SAFB: variants seen among roughly 807,000 people sequenced by gnomAD.
SAFB encodes the protein scaffold attachment factor B1.
In SAFB, 15 loss-of-function variants were observed where a neutral mutation model predicts 101.6. The observed-to-expected ratio is 0.15, with a 90% CI of 0.10 to 0.23. The LOEUF (loss-of-function observed/expected upper bound fraction) is 0.23, where lower values mean the gene tolerates loss of function less well. SAFB is among the 10% of genes least tolerant of loss of function. The probability of loss-of-function intolerance (pLI) is 1.00; values close to 1 mark genes in which losing one functional copy is unlikely to be tolerated. For missense variants in SAFB, 930 were observed against 1,104.1 expected (o/e 0.84, Z 2.23); for synonymous variants, 449 against 407.5 (o/e 1.10, Z -1.23).
intron 14 of SAFB, among the ~76,000 whole-genome samples, chr19:5,660,261 T>G (rs187042087): frequency 6.7e-6 from 1 of 150,078 alleles, no homozygotes; most frequent in Non-Finnish European, 1.5e-5. Context: ...AGATAACTTC[T>G]AATACAATGA....
intron 11 of SAFB, among the ~76,000 whole-genome samples, chr19:5,653,772 T>C (rs1354729795): frequency 6.7e-6 from 1 of 149,662 alleles, no homozygotes; most frequent in Non-Finnish European, 1.5e-5. Context: ...CGGGGCAGGG[T>C]GTTTTAAACA....
rs753177957 is a variant in SAFB, at chr19:5,667,203, C to T, written c.2453+39C>T. On this transcript the variant is annotated intron_variant, in intron 18 of 20. Transcript: ENST00000588852. The surrounding 1 kb of genome is among the most constrained non-coding windows in gnomAD (Gnocchi z 4.0). Reference sequence around the variant, plus strand: ...ACCCGACAGTACCTGACCCCCCCCCCGCCCACAAGGGGGCCCGCAAGTCGC... The same window carrying T: ...ACCCGACAGTACCTGACCCCCCCCCTGCCCACAAGGGGGCCCGCAAGTCGC... 2.5e-5 allele frequency: 32 copies of T among 1,298,636 alleles called. No individual in the cohort carries two copies. The highest frequency in any genetic ancestry group is 1.9e-4 in the Middle Eastern group (1 of 5,318). The allele number at this position is 1,298,636 out of a possible 1,614,324, so 80.4% of individuals were successfully genotyped here. A position where few individuals can be genotyped will look rare whatever the true frequency, so the allele number is the denominator to read the frequency against.
chr19:5,662,922 G>A lies in SAFB; in HGVS notation c.2154-1100G>A, dbSNP rs184628708. Among the ~76,000 whole-genome samples the A allele has an allele frequency of 6.8e-3, 973 of 144,144 alleles. 7 individuals carry two copies. The highest frequency in any genetic ancestry group is 0.017 in the Middle Eastern group (4 of 242). 94.6% of individuals were successfully genotyped at this position (144,144 alleles called of 152,430 possible). Reference sequence around the variant, plus strand: ...CTCCCAAAGTGCTGGGATTACAGGCGTAAGCCACCACCCCCGGCCTTGTCC... The same window carrying A: ...CTCCCAAAGTGCTGGGATTACAGGCATAAGCCACCACCCCCGGCCTTGTCC... On this transcript the variant is annotated intron_variant, in intron 15 of 20. Transcript: ENST00000588852.
At chr19:5,629,357 A>G (rs1017231291) in intron 2 of SAFB, among the ~76,000 whole-genome samples, 1 of 152,162 alleles carries the variant, frequency 6.6e-6, no homozygotes, top group East Asian at 1.9e-4. Context: ...CTTAAGCCCA[A>G]GAGGTCAAGG....
rs1301678791 is a variant in SAFB, at chr19:5,623,519, C to G, written c.189+125C>G. 4.0e-6 allele frequency: 3 copies of G among 751,240 alleles called. No homozygotes were observed. In the East Asian group the frequency reaches 9.4e-5, roughly 23 times the overall value. 46.5% of individuals were successfully genotyped at this position (751,240 alleles called of 1,614,324 possible). ...GCGGCCTCGCCGGACCTGGCGCTCT[C>G]GCGTCCCCCGGCTCCTCCGAGGCCC... is the stretch of plus-strand genomic sequence containing the variant. On this transcript the variant is annotated intron_variant, in intron 1 of 20. Coordinates refer to ENST00000588852, the MANE Select transcript of SAFB (RefSeq NM_001201338.2).
In SAFB at chr19:5,667,391, G is replaced by A. The variant is rs1399396161; in HGVS notation, c.2498G>A (p.Arg833Gln). ...GACCATGGCCGAAGAGAGGATGACC[G>A]GTCATGGCAGGGCACGGCCGACGGG... ...WGDHGRREDD[R>Q]SWQGTADGGM... Residue 833 changes from arginine to glutamine, a missense_variant, in exon 19 of 21, where the codon CGG (arginine) becomes CAG (glutamine). Physicochemically the swap from Arg to Gln is conservative, Grantham distance 43. Around this residue, in one of 7 missense-constraint regions of SAFB, gnomAD observed 318 missense variants for 342.6 expected, o/e 0.93. Transcript: ENST00000588852. This position sits in a 1 kb window ranked among gnomAD's most constrained non-coding sequence, Gnocchi z 4.0. 7 of 1,512,842 alleles carry A rather than the reference G, an allele frequency of 4.6e-6. No individual in the cohort carries two copies. The highest frequency in any genetic ancestry group is 6.2e-6 in the Non-Finnish European group (7 of 1,136,572). 93.7% of individuals were successfully genotyped at this position (1,512,842 alleles called of 1,614,324 possible).
intron 2 of SAFB, among the ~76,000 whole-genome samples, chr19:5,638,342 G>T (rs2053635610): frequency 6.6e-6 from 1 of 151,880 alleles, no homozygotes. Flanking sequence ...ATTTTGAGAT[G>T]GAGTCTGTCT....
intron 13 of SAFB, among the ~76,000 whole-genome samples, chr19:5,656,972 C>G (rs1429104345): frequency 6.6e-6 from 1 of 151,886 alleles, no homozygotes. Flanking sequence ...GGGGTTTCAC[C>G]GTGTTAGCCA....
intron 9 of SAFB, among the ~76,000 whole-genome samples, chr19:5,651,744 A>T (rs2053942813): frequency 6.6e-6 from 1 of 152,164 alleles, no homozygotes; most frequent in Non-Finnish European, 1.5e-5. Flanking sequence ...CCTCCCAAAC[A>T]GCCTCCTGCA....
At chr19:5,664,209 TCTGA>T (rs2054280107) in intron 16 of SAFB, 50 bp downstream of exon 16, 1 of 1,595,590 alleles carries the variant, frequency 6.3e-7, no homozygotes, top group Admixed American at 1.7e-5. Context: ...CCTGGCTCAT[TCTGA>T]CTGAGAACAA....
Position 5,667,156 on chromosome 19 carries a change from TCC to T in SAFB, c.2450_2451del (p.Pro817GlnfsTer5). The T allele has an allele frequency of 6.4e-7, 1 of 1,561,334 alleles. No individual in the cohort carries two copies. Among genetic ancestry groups the T allele is most frequent in the Non-Finnish European group, 8.7e-7 (1 of 1,143,328 alleles). Reference sequence around the variant, plus strand: ...TGAGCGAGGGCCGGGGGCTGCCTCCTCCCCCCAGGTTTGTGTCCCACACCCGA... The same window carrying T: ...TGAGCGAGGGCCGGGGGCTGCCTCCTCCCCAGGTTTGTGTCCCACACCCGA... ...RMSEGRGLPP[P>X]PRGRRDWGDH... On this transcript the variant is annotated frameshift_variant, in exon 18 of 21. Coordinates refer to ENST00000588852, the MANE Select transcript of SAFB (RefSeq NM_001201338.2). LOFTEE classifies it high-confidence loss of function. The surrounding 1 kb of genome is among the most constrained non-coding windows in gnomAD (Gnocchi z 4.0).
chr19:5,641,925 G>A lies in SAFB; in HGVS notation c.525G>A (p.Pro175=), dbSNP rs758696281. The change falls in exon 4 of 21, where the codon CCG becomes CCA. Residue 175 remains proline, a synonymous_variant. Transcript: ENST00000588852. ...ELVEGEMKEL[P]EQLQEHAIED... ...TCGAGGGGGAAATGAAAGAGCTTCC[G>A]GAGCAGCTTCAGGAACATGCTGTAG... 1.1e-5 allele frequency: 17 copies of A among 1,613,984 alleles called. No individual in the cohort carries two copies. The highest frequency in any genetic ancestry group is 8.0e-5 in the African/African-American group (6 of 74,920).
chr19:5,641,262 T>C (rs898708335), intron 2 of SAFB, among the ~76,000 whole-genome samples: 1 of 152,180 alleles, frequency 6.6e-6, no homozygotes, highest in Non-Finnish European at 1.5e-5. Flanking sequence ...AGGCAGCACA[T>C]TTGCAACAAA....
rs1229604078 is a variant in SAFB, at chr19:5,637,127, G to A, written c.275-4467G>A. Among the ~76,000 whole-genome samples, 3 of 150,662 alleles carry A rather than the reference G, an allele frequency of 2.0e-5. 1 individual carries two copies. The highest frequency in any genetic ancestry group is 3.0e-5 in the Non-Finnish European group (2 of 67,510). Reference sequence around the variant, plus strand: ...CGGGAGGCCGAGGCGGGTGGATCACGAGGTCAGGAGATCGAGACCATCCTG... The same window carrying A: ...CGGGAGGCCGAGGCGGGTGGATCACAAGGTCAGGAGATCGAGACCATCCTG... On this transcript the variant is annotated intron_variant, in intron 2 of 20. Coordinates refer to ENST00000588852, the MANE Select transcript of SAFB (RefSeq NM_001201338.2).
intron 5 of SAFB, among the ~76,000 whole-genome samples, chr19:5,645,671 C>A (rs1183332342): frequency 6.6e-6 from 1 of 152,190 alleles, no homozygotes; most frequent in African/African-American, 2.4e-5. Flanking sequence ...TTCTTAATTT[C>A]ATTGCTTGTG....
rs752525511 is a variant in SAFB, at chr19:5,649,944, G to A, written c.1167G>A (p.Ser389=). ...DQKMSSPEDD[S]DTKRLSKEEK... is the part of the protein sequence containing the mutation. ...TCTCTAGTTCTCCCGAAGATGACTC[G>A]GATACAAAAAGGCTTTCCAAAGAGG... Residue 389 remains serine (S), a synonymous_variant, in exon 8 of 21, where the codon TCG becomes TCA. Coordinates refer to ENST00000588852, the MANE Select transcript of SAFB (RefSeq NM_001201338.2). 4.3e-5 allele frequency: 69 copies of A among 1,613,866 alleles called. No homozygotes were observed. The South Asian group carries it at 5.8e-4, about 14-fold the overall frequency.
intron 8 of SAFB, among the ~76,000 whole-genome samples, chr19:5,650,368 C>G (rs1039401529): frequency 1.3e-5 from 2 of 152,198 alleles, no homozygotes; most frequent in African/African-American, 2.4e-5. Context: ...GTTGACTGTT[C>G]TGCTACATGG....
chr19:5,667,712 T>C lies in SAFB; in HGVS notation c.2558-108T>C. On this transcript the variant is annotated intron_variant, in intron 19 of 20. Transcript: ENST00000588852. The surrounding 1 kb of genome is among the most constrained non-coding windows in gnomAD (Gnocchi z 4.0). Reference sequence around the variant, plus strand: ...CAGGTGTCTTCCTGGGACCCGCTAGTTGTGGGTACCTGGGGGCCTCACCAA... The same window carrying C: ...CAGGTGTCTTCCTGGGACCCGCTAGCTGTGGGTACCTGGGGGCCTCACCAA... The C allele has an allele frequency of 1.9e-6, 2 of 1,066,882 alleles. No homozygotes were observed. The highest frequency in any genetic ancestry group is 2.8e-6 in the Non-Finnish European group (2 of 704,020). 66.1% of individuals were successfully genotyped at this position (1,066,882 alleles called of 1,614,324 possible).
chr19:5,635,244 G>T lies in SAFB; in HGVS notation c.275-6350G>T, dbSNP rs1329447811. 2.0e-5 allele frequency among the ~76,000 whole-genome samples: 3 copies of T among 152,078 alleles called. No homozygotes were observed. In the East Asian group the frequency reaches 5.8e-4, roughly 29 times the overall value. On this transcript the variant is annotated intron_variant, in intron 2 of 20. Coordinates refer to ENST00000588852, the MANE Select transcript of SAFB (RefSeq NM_001201338.2). ...AAATTGCTACAGCCTTTTTGAGAAGGCAGCTAACGTGGGGAACTGCCGTAG... is the reference window on the plus strand; with the variant it reads ...AAATTGCTACAGCCTTTTTGAGAAGTCAGCTAACGTGGGGAACTGCCGTAG...
Sources: gnomAD v4.1 joint callset for allele counts (sites outside exome capture counted in the v4.1 genomes callset) on GRCh38, gnomAD v4.1.1 for gene constraint, gnomAD v4.1.1 regional missense constraint, Gnocchi (gnomAD v3.1) non-coding constraint, MANE v1.5 for transcripts, NCBI Gene and HGNC (gene_info 2026-07-23, HGNC 2026-07-21) for gene names.